The following PCDHA4 variants were observed in gnomAD, a reference collection of about 807,000 sequenced individuals.
PCDHA4 encodes the protein protocadherin alpha 4, also known as protocadherin alpha-4.
PCDHA4 carries 49 observed loss-of-function variants against 61.4 expected under a neutral mutation model. The ratio of observed to expected loss-of-function variants is 0.80; its 90% CI spans 0.63 to 1.01. The LOEUF (loss-of-function observed/expected upper bound fraction) is 1.01, where lower values mean the gene tolerates loss of function less well. Ranked by LOEUF, PCDHA4 falls within the 50% of genes least tolerant of loss-of-function variation. PCDHA4 has a pLI of 0.00. For missense variants in PCDHA4, 1,254 were observed against 1,235.8 expected (o/e 1.01, Z -0.22); for synonymous variants, 590 against 550.3 (o/e 1.07, Z -1.01).
At chr5:140,943,349 T>C (rs1429038452) in intron 1 of PCDHA4, among the ~76,000 whole-genome samples, 1 of 147,572 alleles carries the variant, frequency 6.8e-6, no homozygotes, top group East Asian at 2.0e-4. Flanking sequence ...AGGATGAGAG[T>C]AGAGGAAAGG....
chr5:140,887,236 A>G (rs575217506), intron 1 of PCDHA4, among the ~76,000 whole-genome samples: 53 of 151,920 alleles, frequency 3.5e-4, no homozygotes, highest in South Asian at 2.1e-3. Flanking sequence ...AGCTGAGACT[A>G]CCGGCGCCCG....
chr5:140,883,091 G>T, intron 1 of PCDHA4: 1 of 1,614,112 alleles, frequency 6.2e-7, no homozygotes, highest in Non-Finnish European at 8.5e-7. Context: ...TGGTACAAAT[G>T]GAGATATAGT....
rs1299292999 is a variant in PCDHA4, at chr5:140,940,635, T to G, written c.2386-38314T>G. Among the ~76,000 whole-genome samples the G allele has an allele frequency of 5.3e-5, 8 of 152,214 alleles. 1 individual carries two copies. The highest frequency in any genetic ancestry group is 5.2e-4 in the Admixed American group (8 of 15,286). On this transcript the variant is annotated intron_variant, in intron 1 of 3. Coordinates refer to ENST00000530339, the MANE Select transcript of PCDHA4 (RefSeq NM_018907.4). ...GCTCCTGCAAATATTCTTAAGCTTG[T>G]CATTTATTTATTTAAATATATTAAA...
intron 1 of PCDHA4, chr5:140,867,501 C>G (rs2049995274): frequency 6.6e-6 from 1 of 151,954 alleles, no homozygotes. Context: ...AAAAGTAGAA[C>G]AAAATCTCAA....
intron 1 of PCDHA4, chr5:140,825,961 T>C (rs937523362): frequency 1.3e-5 from 2 of 152,362 alleles, no homozygotes; most frequent in African/African-American, 2.4e-5. Context: ...TTGTCTACTC[T>C]TTTGAGGGGA....
At chr5:140,877,959 T>C in intron 1 of PCDHA4, 2 of 1,325,332 alleles carry the variant, frequency 1.5e-6, no homozygotes, top group South Asian at 3.5e-5. Flanking sequence ...ATGTCTCATC[T>C]TTCTTGGTCA....
chr5:140,877,015 G>C (rs371309003), intron 1 of PCDHA4: 9 of 1,612,358 alleles, frequency 5.6e-6, no homozygotes, highest in Non-Finnish European at 7.6e-6. Context: ...CGCGGAGAGC[G>C]GCAAGGTGTA....
At chr5:140,848,202 C>T in intron 1 of PCDHA4, 1 of 328,080 alleles carries the variant, frequency 3.0e-6, no homozygotes, top group South Asian at 5.4e-5. Flanking sequence ...TTTCAACAAT[C>T]ATTACTTAAG....
intron 1 of PCDHA4, among the ~76,000 whole-genome samples, chr5:140,872,956 T>C (rs2054003251): frequency 6.6e-6 from 1 of 152,228 alleles, no homozygotes; most frequent in Admixed American, 6.5e-5. Context: ...CCACGTAGTA[T>C]CATCCCATCT....
intron 1 of PCDHA4, among the ~76,000 whole-genome samples, chr5:140,874,476 A>G (rs1024531291): frequency 1.1e-4 from 17 of 152,236 alleles, no homozygotes; most frequent in Non-Finnish European, 8.8e-5. Context: ...TTAGAGAAAA[A>G]GCAAAAGGTT....
chr5:140,836,642 G>T, intron 1 of PCDHA4: 1 of 1,613,486 alleles, frequency 6.2e-7, no homozygotes, highest in Non-Finnish European at 8.5e-7. Context: ...TCTCCCAGCA[G>T]AGGCGGCAGA....
chr5:140,936,079 G>T (rs1341534865), intron 1 of PCDHA4, among the ~76,000 whole-genome samples: 2 of 152,008 alleles, frequency 1.3e-5, no homozygotes, highest in African/African-American at 4.8e-5. Context: ...TTTTAGTAGA[G>T]ACAGGGTTTC....
At chr5:140,947,524 A>G (rs894259499) in intron 1 of PCDHA4, among the ~76,000 whole-genome samples, 1 of 151,796 alleles carries the variant, frequency 6.6e-6, no homozygotes, top group Admixed American at 6.6e-5. Flanking sequence ...TTTAGAATCA[A>G]CTTTTCAATT....
At chr5:140,986,393 C>T (rs1554248003) in intron 3 of PCDHA4, among the ~76,000 whole-genome samples, 1 of 152,148 alleles carries the variant, frequency 6.6e-6, no homozygotes, top group Non-Finnish European at 1.5e-5. Context: ...ATTAAAGGGC[C>T]AGTCGCTCAT....
At chr5:140,983,104 T>C (rs907787884) in intron 3 of PCDHA4, among the ~76,000 whole-genome samples, 3 of 152,234 alleles carry the variant, frequency 2.0e-5, no homozygotes, top group Admixed American at 1.3e-4. Flanking sequence ...TGCTTCTCTC[T>C]GCACATCAAC....
Position 141,010,486 on chromosome 5 carries a change from A to C in PCDHA4, c.*549A>C. 1 of 674,072 alleles carries C rather than the reference A, an allele frequency of 1.5e-6. No individual in the cohort carries two copies. Among genetic ancestry groups the C allele is most frequent in the Non-Finnish European group, 2.3e-6 (1 of 434,544 alleles). The allele number at this position is 674,072 out of a possible 1,614,324, so 41.8% of individuals were successfully genotyped here. On this transcript the variant is annotated 3_prime_UTR_variant, in exon 4 of 4. Transcript: ENST00000530339. ...GTATGGAGGGGAAGTGTAAACTTAAAGGGACCAGACTTTCTAAATCTTACA... is the reference window on the plus strand; with the variant it reads ...GTATGGAGGGGAAGTGTAAACTTAACGGGACCAGACTTTCTAAATCTTACA...
chr5:140,807,899 A>T lies in PCDHA4; in HGVS notation c.712A>T (p.Asn238Tyr), dbSNP rs1391356364. 6.2e-7 allele frequency: 1 copy of T among 1,614,010 alleles called. No homozygotes were observed. The highest frequency in any genetic ancestry group is 8.5e-7 in the Non-Finnish European group (1 of 1,179,998). Residue 238 changes from asparagine (N) to tyrosine (Y), a missense_variant, in exon 1 of 4, where the codon AAT (asparagine) becomes TAT (tyrosine). Transcript: ENST00000530339. The part of the protein sequence containing the change: ...LLITVLDAND[N>Y]APAFDRTIYK... ...CATCACAGTACTGGATGCCAATGACAATGCCCCAGCTTTTGACAGAACCAT... is the reference window on the plus strand; with the variant it reads ...CATCACAGTACTGGATGCCAATGACTATGCCCCAGCTTTTGACAGAACCAT...
At chr5:141,006,828 G>A (rs1554260937) in intron 3 of PCDHA4, among the ~76,000 whole-genome samples, 1 of 152,162 alleles carries the variant, frequency 6.6e-6, no homozygotes, top group Non-Finnish European at 1.5e-5. Context: ...TAAATGGGGT[G>A]TAATTTACTG....
At chr5:140,869,084 G>A (rs2050835199) in intron 1 of PCDHA4, 1 of 1,583,106 alleles carries the variant, frequency 6.3e-7, no homozygotes, top group African/African-American at 1.4e-5. Context: ...AGCTTATTTT[G>A]GAAGCCAATT....
Sources: allele counts gnomAD v4.1 joint callset (sites outside exome capture counted in the v4.1 genomes callset), GRCh38; gene constraint gnomAD v4.1.1; transcripts MANE v1.5; gene names NCBI Gene and HGNC (gene_info 2026-07-23, HGNC 2026-07-21).